Variants in ARHGEF9 observed in about 807,000 individuals in gnomAD.
The protein encoded by ARHGEF9 is Cdc42 guanine nucleotide exchange factor 9.
A neutral mutation model predicts 41.3 loss-of-function variants in ARHGEF9; 2 were observed. The observed-to-expected ratio is 0.05, with a 90% confidence interval of 0.02 to 0.15. ARHGEF9 has a LOEUF of 0.15. Among genes scored for constraint, ARHGEF9 ranks in the 10% least tolerant of loss-of-function variants. The pLI, the probability that ARHGEF9 is intolerant of heterozygous loss-of-function variation, is 1.00. For missense variants in ARHGEF9, 225 were observed against 424.7 expected (o/e 0.53, Z 4.13); for synonymous variants, 160 against 154.4 (o/e 1.04, Z -0.27).
chrX:63,772,792 C>A (rs1168474666), intron 1 of ARHGEF9, among the ~76,000 whole-genome samples: 1 of 111,363 alleles, frequency 9.0e-6, no homozygotes, highest in Non-Finnish European at 1.9e-5. Context: ...CCACTTGTCC[C>A]CCTCTCTCAC....
At chrX:63,736,778 A>T (rs1556423259) in intron 1 of ARHGEF9, among the ~76,000 whole-genome samples, 1 of 112,033 alleles carries the variant, frequency 8.9e-6, no homozygotes. Context: ...CCATTTTACT[A>T]TCTATCTATA....
chrX:63,726,820 T>G (rs2053999205), intron 1 of ARHGEF9: 2 of 111,967 alleles, frequency 1.8e-5, no homozygotes, highest in Non-Finnish European at 3.8e-5. Context: ...TATGATATCA[T>G]AAGCCAGTTG....
At chrX:63,778,087 C>T (rs2056322233) in intron 1 of ARHGEF9, among the ~76,000 whole-genome samples, 1 of 113,020 alleles carries the variant, frequency 8.8e-6, no homozygotes, top group African/African-American at 3.2e-5. Flanking sequence ...AGCAGAAGTT[C>T]TCCATGAGGG....
intron 8 of ARHGEF9, among the ~76,000 whole-genome samples, chrX:63,648,455 A>G (rs1268838252): frequency 9.0e-6 from 1 of 111,674 alleles, no homozygotes; most frequent in Non-Finnish European, 1.9e-5. Context: ...AGGAAGCACT[A>G]AACACAGAAA....
At chrX:63,689,296 TG>T (rs1412007566) in intron 4 of ARHGEF9, among the ~76,000 whole-genome samples, 1 of 111,105 alleles carries the variant, frequency 9.0e-6, no homozygotes, top group Non-Finnish European at 1.9e-5. Flanking sequence ...AGTGAAGGGA[TG>T]GAAAAAGATA....
At chrX:63,782,169 A>AT (rs1169166253) in intron 1 of ARHGEF9, among the ~76,000 whole-genome samples, 2 of 111,509 alleles carry the variant, frequency 1.8e-5, no homozygotes, top group East Asian at 2.8e-4. Flanking sequence ...AAAGTGAGGA[A>AT]TTTTTTTTCA....
At chrX:63,751,842 C>A (rs1288965064) in intron 1 of ARHGEF9, among the ~76,000 whole-genome samples, 2 of 110,219 alleles carry the variant, frequency 1.8e-5, no homozygotes, top group East Asian at 2.9e-4. Flanking sequence ...GTGCTCCCCC[C>A]CACACACCCC....
At chrX:63,664,833 G>T (rs782325397) in intron 7 of ARHGEF9, among the ~76,000 whole-genome samples, 4 of 111,744 alleles carry the variant, frequency 3.6e-5, no homozygotes, top group South Asian at 7.6e-4. Context: ...AATGGATAAA[G>T]ATTCAATACA....
chrX:63,781,001 CA>C (rs782113724), intron 1 of ARHGEF9, among the ~76,000 whole-genome samples: 10 of 111,819 alleles, frequency 8.9e-5, no homozygotes, highest in African/African-American at 3.2e-4. Flanking sequence ...TGGGTCACTT[CA>C]ATTCTGTCAT....
chrX:63,694,147 C>T (rs1489764935), intron 4 of ARHGEF9, among the ~76,000 whole-genome samples: 6 of 107,364 alleles, frequency 5.6e-5, no homozygotes, highest in African/African-American at 2.1e-4. Flanking sequence ...TGCACCACTG[C>T]ACTCCAGCCT....
rs548964367 is a variant in ARHGEF9 at position 63,643,360 on chromosome X, CT to C, written c.1390+619del. Among the ~76,000 whole-genome samples, 647 of 98,168 alleles carry C rather than the reference CT, an allele frequency of 6.6e-3. 4 individuals carry two copies. Among genetic ancestry groups the C allele is most frequent in the African/African-American group, 0.019 (502 of 26,883 alleles). The allele number at this position is 98,168 out of a possible 115,157, so 85.2% of individuals were successfully genotyped here. A position where few individuals can be genotyped will look rare whatever the true frequency, so the allele number is the denominator to read the frequency against. On this transcript the variant is annotated intron_variant, in intron 9 of 9. Coordinates refer to ENST00000671741, the MANE Select transcript of ARHGEF9 (RefSeq NM_001353921.2). Reference sequence around the variant, plus strand: ...CAGAAAGCTGAGCAATATCTTTATACTTTTTTTTTTTTTTTTTGAGATGTAG... The same window carrying C: ...CAGAAAGCTGAGCAATATCTTTATACTTTTTTTTTTTTTTTTGAGATGTAG...
intron 1 of ARHGEF9, among the ~76,000 whole-genome samples, chrX:63,775,446 T>C (rs781981490): frequency 1.8e-5 from 2 of 112,380 alleles, no homozygotes; most frequent in Admixed American, 9.4e-5. Flanking sequence ...TCACAGTGGA[T>C]TGGATAAAGA....
chrX:63,683,816 C>A (rs1319227569), intron 4 of ARHGEF9, among the ~76,000 whole-genome samples: 1 of 110,720 alleles, frequency 9.0e-6, no homozygotes, highest in Non-Finnish European at 1.9e-5. Context: ...AAATTGGGCC[C>A]ATATTTTAGA....
At chrX:63,691,892 A>C (rs186566134) in intron 4 of ARHGEF9, among the ~76,000 whole-genome samples, 10 of 111,687 alleles carry the variant, frequency 9.0e-5, no homozygotes, top group African/African-American at 2.9e-4. Context: ...AGAATCCCAA[A>C]ATATACCCAT....
chrX:63,701,317 T>C (rs1602466566), intron 3 of ARHGEF9, among the ~76,000 whole-genome samples: 1 of 110,933 alleles, frequency 9.0e-6, no homozygotes. Context: ...AAGATGTCCA[T>C]GGATCCTTTC....
At chrX:63,705,832 C>T (rs1464467572) in intron 3 of ARHGEF9, among the ~76,000 whole-genome samples, 1 of 111,166 alleles carries the variant, frequency 9.0e-6, no homozygotes, top group Non-Finnish European at 1.9e-5. Context: ...TTAACAAGCT[C>T]CCCCAGAAAC....
Position 63,635,738 on chromosome X carries a change from G to T in ARHGEF9, c.*2290C>A, listed in dbSNP as rs1452591090. ...TGAGAGGGCCTAGTCAAGAAATGTA[G>T]GCCCAGAAACTTGTCCAAGCATCCC... On this transcript the variant is annotated 3_prime_UTR_variant, in exon 10 of 10. Transcript: ENST00000671741. 10 of 204,440 alleles carry T rather than the reference G, an allele frequency of 4.9e-5. No individual in the cohort carries two copies. Among genetic ancestry groups the T allele is most frequent in the Non-Finnish European group, 8.6e-5 (10 of 116,464 alleles). 16.8% of individuals were successfully genotyped at this position (204,440 alleles called of 1,213,427 possible). A position where few individuals can be genotyped will look rare whatever the true frequency, so the allele number is the denominator to read the frequency against.
chrX:63,783,112 C>CTGT (rs2056407574), intron 1 of ARHGEF9, among the ~76,000 whole-genome samples: 2 of 111,951 alleles, frequency 1.8e-5, no homozygotes, highest in South Asian at 7.5e-4. Context: ...CTCTCATACA[C>CTGT]TGTTGGCAAA....
At chrX:63,752,571 C>T (rs2055718488) in intron 1 of ARHGEF9, among the ~76,000 whole-genome samples, 1 of 111,115 alleles carries the variant, frequency 9.0e-6, no homozygotes, top group Non-Finnish European at 1.9e-5. Flanking sequence ...AGGGGGTCTC[C>T]ACAAACGGAC....
Sources: allele counts gnomAD v4.1 joint callset (sites outside exome capture counted in the v4.1 genomes callset), GRCh38; gene constraint gnomAD v4.1.1; transcripts MANE v1.5; gene names NCBI Gene and HGNC (gene_info 2026-07-23, HGNC 2026-07-21).